GPC6: variants seen among roughly 807,000 people sequenced by gnomAD.
The protein encoded by GPC6 is glypican 6, also known as glypican-6.
Under a neutral mutation model 55.2 loss-of-function variants are expected in GPC6, and 14 were observed. The observed-to-expected ratio is 0.25, with a 90% CI of 0.17 to 0.40. GPC6 has a LOEUF of 0.40. Among genes scored for constraint, GPC6 ranks in the 10% least tolerant of loss-of-function variants. GPC6 has a pLI of 1.00. For synonymous variants in GPC6, 278 were observed against 259.6 expected (o/e 1.07, Z -0.68); for missense variants, 641 against 708.5 (o/e 0.90, Z 1.08).
At position 93,455,017 on chromosome 13, in the gene GPC6, C is replaced by T. The variant is rs1014168526; in HGVS notation, c.161-90246C>T. Among the ~76,000 whole-genome samples, 4 of 152,352 alleles carry T rather than the reference C, an allele frequency of 2.6e-5. No homozygotes were observed. The South Asian group carries it at 6.2e-4, about 24-fold the overall frequency. ...GGGGGACCCAGTACACCCTCCGCAG[C>T]CTCTGGCCCGGGTGCTAAGCCCCTT... On this transcript the variant is annotated intron_variant, in intron 1 of 8. Transcript: ENST00000377047.
At chr13:93,795,480 C>G (rs1886166685) in intron 2 of GPC6, among the ~76,000 whole-genome samples, 1 of 152,032 alleles carries the variant, frequency 6.6e-6, no homozygotes, top group South Asian at 2.1e-4. Context: ...CAAAACTGCA[C>G]CAAAATGTGT....
chr13:94,391,941 A>C (rs1880664842), intron 7 of GPC6, among the ~76,000 whole-genome samples: 1 of 152,182 alleles, frequency 6.6e-6, no homozygotes, highest in Non-Finnish European at 1.5e-5. Context: ...TAATGTCCTC[A>C]AGGTTCATCT....
At chr13:93,378,118 T>C (rs1297207625) in intron 1 of GPC6, among the ~76,000 whole-genome samples, 1 of 152,206 alleles carries the variant, frequency 6.6e-6, no homozygotes, top group Non-Finnish European at 1.5e-5. Flanking sequence ...TGAAATAATA[T>C]AGTAAGCAAA....
At chr13:93,750,859 C>T (rs947934696) in intron 2 of GPC6, among the ~76,000 whole-genome samples, 2 of 152,140 alleles carry the variant, frequency 1.3e-5, no homozygotes, top group Non-Finnish European at 2.9e-5. Flanking sequence ...GATTCCAAGG[C>T]GAGTCCAACA....
intron 2 of GPC6, among the ~76,000 whole-genome samples, chr13:93,717,249 T>C (rs1445353173): frequency 2.0e-5 from 3 of 151,744 alleles, no homozygotes; most frequent in Non-Finnish European, 4.4e-5. Context: ...AGTTATTCTA[T>C]AAATAAAAGG....
intron 4 of GPC6, among the ~76,000 whole-genome samples, chr13:94,054,539 A>C (rs1353922065): frequency 6.6e-6 from 1 of 152,150 alleles, no homozygotes; most frequent in Non-Finnish European, 1.5e-5. Flanking sequence ...GATCCAAATA[A>C]TCCCACCTTT....
At chr13:93,746,974 G>A (rs886301355) in intron 2 of GPC6, among the ~76,000 whole-genome samples, 27 of 152,292 alleles carry the variant, frequency 1.8e-4, no homozygotes, top group East Asian at 3.9e-4. Context: ...ATGTGAACAT[G>A]TTCAAAGGCT....
At chr13:94,185,909 A>G (rs1000132991) in intron 4 of GPC6, among the ~76,000 whole-genome samples, 1 of 151,904 alleles carries the variant, frequency 6.6e-6, no homozygotes, top group Non-Finnish European at 1.5e-5. Flanking sequence ...AAATACAAAA[A>G]ATTAGCCGGG....
chr13:93,707,216 A>G (rs1882884096), intron 2 of GPC6, among the ~76,000 whole-genome samples: 2 of 151,704 alleles, frequency 1.3e-5, no homozygotes, highest in Non-Finnish European at 2.9e-5. Flanking sequence ...GAGGGGAACA[A>G]CCCACACTGG....
intron 3 of GPC6, among the ~76,000 whole-genome samples, chr13:94,010,873 A>G (rs755701740): frequency 3.9e-5 from 6 of 152,126 alleles, no homozygotes; most frequent in Non-Finnish European, 5.9e-5. Context: ...AAATAAGTCT[A>G]CTAGGATTTT....
chr13:94,278,601 A>G (rs1458263704), intron 4 of GPC6, among the ~76,000 whole-genome samples: 2 of 152,180 alleles, frequency 1.3e-5, no homozygotes, highest in Non-Finnish European at 2.9e-5. Context: ...TTATTTTGAG[A>G]TATGTTCCAT....
intron 1 of GPC6, among the ~76,000 whole-genome samples, chr13:93,477,551 G>A (rs1189528696): frequency 6.6e-6 from 1 of 152,068 alleles, no homozygotes; most frequent in African/African-American, 2.4e-5. Flanking sequence ...GTAGATTAGA[G>A]AACTGCCAAA....
intron 1 of GPC6, among the ~76,000 whole-genome samples, chr13:93,414,546 A>G (rs1876625641): frequency 6.6e-6 from 1 of 152,126 alleles, no homozygotes; most frequent in South Asian, 2.1e-4. Flanking sequence ...TGATTGGCAC[A>G]CTGTGGGTGT....
chr13:93,966,930 C>T (rs934571959), intron 3 of GPC6, among the ~76,000 whole-genome samples: 9 of 152,044 alleles, frequency 5.9e-5, no homozygotes, highest in African/African-American at 1.4e-4. Flanking sequence ...GCTGAGACTA[C>T]GGGCATGAGC....
At chr13:93,727,274 G>A (rs147698557) in intron 2 of GPC6, among the ~76,000 whole-genome samples, 1 of 152,140 alleles carries the variant, frequency 6.6e-6, no homozygotes, top group Non-Finnish European at 1.5e-5. Flanking sequence ...TATGGACTCT[G>A]TTCAGGAATT....
At chr13:93,577,968 T>C (rs1227855420) in intron 2 of GPC6, among the ~76,000 whole-genome samples, 5 of 152,150 alleles carry the variant, frequency 3.3e-5, no homozygotes, top group African/African-American at 1.2e-4. Flanking sequence ...GAAATAATTA[T>C]ATGGTTTTCA....
At chr13:94,237,837 A>G (rs1227469426) in intron 4 of GPC6, among the ~76,000 whole-genome samples, 1 of 152,192 alleles carries the variant, frequency 6.6e-6, no homozygotes, top group Non-Finnish European at 1.5e-5. Context: ...ACATGACCTG[A>G]TTTACATTTC....
intron 6 of GPC6, among the ~76,000 whole-genome samples, chr13:94,311,237 T>C (rs1876229269): frequency 6.6e-6 from 1 of 151,796 alleles, no homozygotes; most frequent in African/African-American, 2.4e-5. Context: ...TTTTTTGAGA[T>C]GGAATCTTAC....
intron 2 of GPC6, among the ~76,000 whole-genome samples, chr13:93,616,324 T>G (rs929597196): frequency 4.6e-5 from 7 of 152,150 alleles, no homozygotes; most frequent in African/African-American, 1.7e-4. Context: ...AATGGAAATT[T>G]ATTGGAGATG....
Sources: gnomAD v4.1 joint callset for allele counts (sites outside exome capture counted in the v4.1 genomes callset) on GRCh38, gnomAD v4.1.1 for gene constraint, MANE v1.5 for transcripts, NCBI Gene and HGNC (gene_info 2026-07-23, HGNC 2026-07-21) for gene names.